Variants in RPS6KA2 observed in about 807,000 individuals in gnomAD.
RPS6KA2 encodes ribosomal protein S6 kinase alpha-2.
RPS6KA2 carries 42 observed loss-of-function variants against 91.8 expected under a neutral mutation model. That is an observed-to-expected ratio of 0.46 (90% CI 0.36 to 0.59). RPS6KA2 has a LOEUF of 0.59. Ranked by LOEUF, RPS6KA2 falls within the 20% of genes least tolerant of loss-of-function variation. The pLI, the probability that RPS6KA2 is intolerant of heterozygous loss-of-function variation, is 0.00. For synonymous variants in RPS6KA2, 414 were observed against 393.6 expected, an observed-to-expected ratio of 1.05 and a Z score of -0.61; for missense variants, 798 against 978.5, an observed-to-expected ratio of 0.82 and a Z score of 2.46.
chr6:166,517,697 G>C (rs370165727), intron 3 of RPS6KA2, among the ~76,000 whole-genome samples: 2 of 150,666 alleles, frequency 1.3e-5, no homozygotes, highest in African/African-American at 4.9e-5. Flanking sequence ...GGATGGTCTC[G>C]ATCTCCTGAC....
chr6:166,537,597 T>A (rs1025879751), intron 2 of RPS6KA2, among the ~76,000 whole-genome samples: 1 of 151,910 alleles, frequency 6.6e-6, no homozygotes, highest in Non-Finnish European at 1.5e-5. Flanking sequence ...CGATGTACTA[T>A]TCATTCCATC....
At chr6:166,477,939 C>T (rs1781037386) in intron 10 of RPS6KA2, among the ~76,000 whole-genome samples, 1 of 152,200 alleles carries the variant, frequency 6.6e-6, no homozygotes, top group South Asian at 2.1e-4. Flanking sequence ...ACAGTGACTC[C>T]AAGACAAAGC....
chr6:166,843,293 C>T (rs959781475), intron 2 of RPS6KA2, among the ~76,000 whole-genome samples: 12 of 152,176 alleles, frequency 7.9e-5, no homozygotes, highest in Admixed American at 2.0e-4. Flanking sequence ...CTCTACCTGC[C>T]TTGGTAGCCA....
At chr6:166,672,853 C>A (rs1788509263) in intron 2 of RPS6KA2, among the ~76,000 whole-genome samples, 1 of 152,190 alleles carries the variant, frequency 6.6e-6, no homozygotes, top group East Asian at 1.9e-4. Flanking sequence ...GAAGCCTTCC[C>A]CTTGGCTGAA....
At chr6:166,582,066 A>G (rs1583299151) in intron 1 of RPS6KA2, among the ~76,000 whole-genome samples, 2 of 53,192 alleles carry the variant, frequency 3.8e-5, no homozygotes, top group African/African-American at 8.1e-5. Context: ...GCCCAGGGAG[A>G]GATGAGATGG....
At chr6:166,619,574 G>A (rs750686363) in intron 1 of RPS6KA2, among the ~76,000 whole-genome samples, 35 of 152,212 alleles carry the variant, frequency 2.3e-4, no homozygotes, top group Non-Finnish European at 4.1e-4. Context: ...CGGCCATGTG[G>A]CCTGAAGTCT....
chr6:166,613,812 C>T (rs916879783), intron 1 of RPS6KA2, among the ~76,000 whole-genome samples: 1 of 150,632 alleles, frequency 6.6e-6, no homozygotes, highest in Non-Finnish European at 1.5e-5. Flanking sequence ...GGGCTTTTCA[C>T]GGCCTTCAGG....
intron 1 of RPS6KA2, among the ~76,000 whole-genome samples, chr6:166,540,439 A>G (rs1783617968): frequency 1.2e-5 from 1 of 86,268 alleles, no homozygotes; most frequent in Non-Finnish European, 2.3e-5. Context: ...CTATTTTTGT[A>G]AAAACAGTGG....
At chr6:166,683,790 G>A (rs576627821) in intron 2 of RPS6KA2, among the ~76,000 whole-genome samples, 8 of 152,344 alleles carry the variant, frequency 5.3e-5, no homozygotes, top group East Asian at 1.9e-4. Flanking sequence ...AATCTCGTCC[G>A]ACCACATGGT....
At position 166,701,517 on chromosome 6, in the gene RPS6KA2, TGAAGCTCCAGC is replaced by T. The variant is rs1316531113; in HGVS notation, c.123+156672_123+156682del. 15 of 1,420,022 alleles carry T rather than the reference TGAAGCTCCAGC, an allele frequency of 1.1e-5. No homozygotes were observed. In the South Asian group the frequency reaches 1.4e-4, roughly 13 times the overall value. The allele number at this position is 1,420,022 out of a possible 1,614,324, so 88.0% of individuals were successfully genotyped here. ...GTGCTTCCACTGGAGCAATCTTACT[TGAAGCTCCAGC>T]AAAGCGAGAAAGCTGCTTGATGTGC... On this transcript the variant is annotated intron_variant, in intron 2 of 21. Coordinates refer to the RPS6KA2 transcript ENST00000503859.
chr6:166,592,192 A>C (rs1051993632), intron 1 of RPS6KA2, among the ~76,000 whole-genome samples: 1 of 152,190 alleles, frequency 6.6e-6, no homozygotes, highest in Admixed American at 6.5e-5. Context: ...ACATATTATA[A>C]ATAGTAGCGA....
At position 166,641,544 on chromosome 6, in the gene RPS6KA2, C is replaced by G. The variant is rs575117527; in HGVS notation, c.124-102760G>C. Reference sequence around the variant, plus strand: ...TTCAAGACCAGCCTGGCCAACATGGCGAAACCCCATCTCTACTAAAAATAC... The same window carrying G: ...TTCAAGACCAGCCTGGCCAACATGGGGAAACCCCATCTCTACTAAAAATAC... On this transcript the variant is annotated intron_variant, in intron 2 of 21. Coordinates refer to the RPS6KA2 transcript ENST00000503859. Among the ~76,000 whole-genome samples the G allele has an allele frequency of 7.3e-4, 110 of 150,846 alleles. 1 individual carries two copies. The highest frequency in any genetic ancestry group is 1.3e-3 in the Non-Finnish European group (91 of 67,658).
At chr6:166,811,708 C>T (rs2128620561) in intron 2 of RPS6KA2, among the ~76,000 whole-genome samples, 1 of 152,314 alleles carries the variant, frequency 6.6e-6, no homozygotes, top group East Asian at 1.9e-4. Flanking sequence ...ATCCCCTAAC[C>T]TTTTAAAATA....
rs1299684223 is a variant in RPS6KA2, at chr6:166,726,128, GA to G, written c.123+132071del. ...AATGCCCTTAGGCTACAATATAGAA[GA>G]TTTTTTTTTTTTTTTAGTTTAAAAT... On this transcript the variant is annotated intron_variant, in intron 2 of 21. Transcript: ENST00000503859. This position sits in a 1 kb window ranked among gnomAD's most constrained non-coding sequence, Gnocchi z 4.4. Among the ~76,000 whole-genome samples, 7 of 117,822 alleles carry G rather than the reference GA, an allele frequency of 5.9e-5. No individual in the cohort carries two copies. The South Asian group carries it at 1.1e-3, about 19-fold the overall frequency. 77.3% of individuals were successfully genotyped at this position (117,822 alleles called of 152,430 possible).
chr6:166,453,132 C>T (rs1301451110), intron 12 of RPS6KA2, among the ~76,000 whole-genome samples: 2 of 151,554 alleles, frequency 1.3e-5, no homozygotes. Context: ...ACCCGGGAGG[C>T]GGAGGTTGCA....
intron 14 of RPS6KA2, among the ~76,000 whole-genome samples, chr6:166,444,123 TAAAAAC>T (rs1467067137): frequency 6.6e-6 from 1 of 152,174 alleles, no homozygotes; most frequent in East Asian, 1.9e-4. Context: ...AAGAATAAAA[TAAAAAC>T]AAATAATTCC....
chr6:166,534,738 A>C (rs73255166), intron 2 of RPS6KA2, among the ~76,000 whole-genome samples: 7,896 of 152,310 alleles, frequency 0.052, 670 homozygotes, highest in African/African-American at 0.18. Flanking sequence ...AGAGAGAACC[A>C]TACTTTTGCT....
chr6:166,517,454 T>C lies in RPS6KA2; in HGVS notation c.299-7097A>G, dbSNP rs1468572278. ...AACCACTTAAGGCGTTCTTTTGTTT[T>C]GTTTTTTTTTTTTTTTTTTTTTTTT... On this transcript the variant is annotated intron_variant, in intron 3 of 20. Coordinates refer to ENST00000265678, the MANE Select transcript of RPS6KA2 (RefSeq NM_021135.6). 9.1e-5 allele frequency among the ~76,000 whole-genome samples: 10 copies of C among 110,294 alleles called. No homozygotes were observed. In the South Asian group the frequency reaches 9.2e-4, roughly 10 times the overall value. The allele number at this position is 110,294 out of a possible 152,430, so 72.4% of individuals were successfully genotyped here.
chr6:166,557,564 G>A lies in RPS6KA2; in HGVS notation c.100-18780C>T, dbSNP rs1212378471. Among the ~76,000 whole-genome samples, 2 of 152,136 alleles carry A rather than the reference G, an allele frequency of 1.3e-5. No homozygotes were observed. The highest frequency in any genetic ancestry group is 2.9e-5 in the Non-Finnish European group (2 of 68,028). On this transcript the variant is annotated intron_variant, in intron 1 of 20. Coordinates refer to ENST00000265678, the MANE Select transcript of RPS6KA2 (RefSeq NM_021135.6). This position sits in a 1 kb window ranked among gnomAD's most constrained non-coding sequence, Gnocchi z 4.8. ...GCCTTAGAGTTTCTCTGGCACCTTTGTCAAATGACAGAAAAATCAGCTTTT... is the reference window on the plus strand; with the variant it reads ...GCCTTAGAGTTTCTCTGGCACCTTTATCAAATGACAGAAAAATCAGCTTTT...
Sources: gnomAD v4.1 joint callset for allele counts (sites outside exome capture counted in the v4.1 genomes callset) on GRCh38, gnomAD v4.1.1 for gene constraint, Gnocchi (gnomAD v3.1) non-coding constraint, MANE v1.5 for transcripts, NCBI Gene and HGNC (gene_info 2026-07-23, HGNC 2026-07-21) for gene names.